GPAT3: variants seen among roughly 807,000 people sequenced by gnomAD.
The protein encoded by GPAT3 is 1-AGP acyltransferase 9.
A neutral mutation model predicts 58.8 loss-of-function variants in GPAT3; 53 were observed. The observed-to-expected ratio is 0.90, with a 90% CI of 0.72 to 1.13. GPAT3 has a LOEUF of 1.13. Ranked by LOEUF, GPAT3 falls within the 50% of genes most tolerant of loss-of-function variation. The pLI is 0.00. For missense variants in GPAT3, 511 were observed against 527.6 expected (o/e 0.97, Z 0.31); for synonymous variants, 197 against 187.4 (o/e 1.05, Z -0.42).
chr4:83,604,524 C>T (rs1332145226), intron 11 of GPAT3, 144 bp from the exon 12 acceptor site: 3 of 556,286 alleles, frequency 5.4e-6, no homozygotes, highest in South Asian at 3.0e-5. Flanking sequence ...CCTGGGTCTT[C>T]CTGTTTCCAA....
At chr4:83,562,214 T>TATATTATATATA (rs1553944917) in intron 2 of GPAT3, among the ~76,000 whole-genome samples, 1,610 of 77,046 alleles carry the variant, frequency 0.021, 73 homozygotes, top group African/African-American at 0.093. Context: ...ATATATATTA[T>TATATTATATATA]ATATATATAT....
intron 8 of GPAT3, among the ~76,000 whole-genome samples, chr4:83,597,209 C>T (rs1347124905): frequency 6.6e-6 from 1 of 152,050 alleles, no homozygotes; most frequent in Admixed American, 6.6e-5. Flanking sequence ...TCCCATAGGC[C>T]CATAGAGTGT....
At chr4:83,585,367 A>G (rs1726339524) in intron 3 of GPAT3, among the ~76,000 whole-genome samples, 1 of 150,086 alleles carries the variant, frequency 6.7e-6, no homozygotes. Flanking sequence ...AATAATATAT[A>G]TTAATGTATT....
At chr4:83,581,403 A>G (rs1282920804) in intron 2 of GPAT3, among the ~76,000 whole-genome samples, 159 bp from the exon 3 acceptor site, 2 of 152,034 alleles carry the variant, frequency 1.3e-5, no homozygotes, top group Non-Finnish European at 2.9e-5. Flanking sequence ...CTCTTTTCCC[A>G]CTGCAATTGT....
At chr4:83,555,529 G>C (rs1332037040) in intron 2 of GPAT3, among the ~76,000 whole-genome samples, 1 of 152,210 alleles carries the variant, frequency 6.6e-6, no homozygotes, top group East Asian at 1.9e-4. Context: ...GGGAACAGAG[G>C]CTTCTGTGCT....
intron 2 of GPAT3, among the ~76,000 whole-genome samples, chr4:83,551,813 A>AAAAATCTATCTATCTATCT (rs768726930): frequency 2.9e-4 from 30 of 102,396 alleles, no homozygotes; most frequent in South Asian, 9.2e-4. Flanking sequence ...AAAAAAAAAA[A>AAAAATCTATCTATCTATCT]ATCTATCTAT....
intron 11 of GPAT3, among the ~76,000 whole-genome samples, chr4:83,602,439 A>G (rs1727089641): frequency 6.6e-6 from 1 of 152,152 alleles, no homozygotes; most frequent in African/African-American, 2.4e-5. Context: ...TTCTAGATTT[A>G]TTTGTCATGT....
In GPAT3 at chr4:83,605,296, T is replaced by C. The variant is rs1025446734; in HGVS notation, c.*529T>C. On this transcript the variant is annotated 3_prime_UTR_variant, in exon 12 of 12. Transcript: ENST00000264409. ...ACCTGCTCTGAAAGTCAAAAGGAAATGTAAATTAGTGTCATTAGTGTGTTG... is the reference window on the plus strand; with the variant it reads ...ACCTGCTCTGAAAGTCAAAAGGAAACGTAAATTAGTGTCATTAGTGTGTTG... The C allele has an allele frequency of 6.6e-6, 1 of 152,286 alleles. No individual in the cohort carries two copies. The highest frequency in any genetic ancestry group is 6.5e-5 in the Admixed American group (1 of 15,278). The allele number at this position is 152,286 out of a possible 1,614,324, so 9.4% of individuals were successfully genotyped here.
intron 3 of GPAT3, among the ~76,000 whole-genome samples, chr4:83,582,161 C>T (rs537729383): frequency 6.6e-6 from 1 of 152,216 alleles, no homozygotes; most frequent in African/African-American, 2.4e-5. Context: ...GAGAGATCAT[C>T]AACAGTTTCA....
intron 2 of GPAT3, among the ~76,000 whole-genome samples, chr4:83,555,214 G>A (rs968875278): frequency 4.6e-5 from 7 of 152,160 alleles, no homozygotes; most frequent in African/African-American, 1.4e-4. Context: ...TGGCATCTCT[G>A]CAGTGATAAG....
In GPAT3 at chr4:83,581,588, A is replaced by T. The variant is rs1726129419; in HGVS notation, c.235A>T (p.Met79Leu). 2 of 1,614,094 alleles carry T rather than the reference A, an allele frequency of 1.2e-6. No homozygotes were observed. Among genetic ancestry groups the T allele is most frequent in the Non-Finnish European group, 1.7e-6 (2 of 1,179,990 alleles). ...TATTATCCAAAGAGATGAGTCACCC[A>T]TGGAAAAAGGGCTCTCTGGTCTACG... is the stretch of plus-strand genomic sequence containing the variant. ...VGIIQRDESP[M>L]EKGLSGLRGR... Residue 79 changes from methionine to leucine, a missense_variant, in exon 3 of 12, where the codon ATG becomes TTG. Coordinates refer to ENST00000264409, the MANE Select transcript of GPAT3 (RefSeq NM_032717.5).
In GPAT3 at chr4:83,537,621, G is replaced by GTA. The variant is rs201713333; in HGVS notation, c.141+859_141+860insAT. ...TGTGTGTGTGTGTGTGTGTGTGTGT[G>GTA]TGTGTATATTTAACATAAGAGACAG... On this transcript the variant is annotated intron_variant, in intron 1 of 11. Transcript: ENST00000264409. Among the ~76,000 whole-genome samples, 801 of 141,200 alleles carry GTA rather than the reference G, an allele frequency of 5.7e-3. 10 individuals are homozygous for GTA. Among genetic ancestry groups the GTA allele is most frequent in the East Asian group, 0.029 (145 of 4,978 alleles). 92.6% of individuals were successfully genotyped at this position (141,200 alleles called of 152,430 possible). A position where few individuals can be genotyped will look rare whatever the true frequency, so the allele number is the denominator to read the frequency against.
At chr4:83,562,655 A>G (rs1725219868) in intron 2 of GPAT3, among the ~76,000 whole-genome samples, 1 of 152,166 alleles carries the variant, frequency 6.6e-6, no homozygotes, top group Non-Finnish European at 1.5e-5. Flanking sequence ...TAATGAACTC[A>G]CAGAAAATGA....
intron 2 of GPAT3, among the ~76,000 whole-genome samples, chr4:83,573,224 CCT>C (rs1432890312): frequency 6.6e-6 from 1 of 152,160 alleles, no homozygotes; most frequent in Non-Finnish European, 1.5e-5. Flanking sequence ...ACTGCAACCT[CCT>C]CTTCCTGTGT....
rs561662333 is a variant in GPAT3 at position 83,536,832 on chromosome 4, A to G, written c.141+69A>G. On this transcript the variant is annotated intron_variant, in intron 1 of 11. Coordinates refer to ENST00000264409, the MANE Select transcript of GPAT3 (RefSeq NM_032717.5). ...CTGAGAACCCGGGGGTCCAGTTCTC[A>G]AGGTCAGTGGTCGCGAGTCAGGGGT... 100 of 1,478,268 alleles carry G rather than the reference A, an allele frequency of 6.8e-5. No homozygotes were observed. In the East Asian group the frequency reaches 2.2e-3, roughly 32 times the overall value. The allele number at this position is 1,478,268 out of a possible 1,614,324, so 91.6% of individuals were successfully genotyped here. A position where few individuals can be genotyped will look rare whatever the true frequency, so the allele number is the denominator to read the frequency against.
rs940960578 is a variant in GPAT3, at chr4:83,568,166, A to G, written c.209-13396A>G. On this transcript the variant is annotated intron_variant, in intron 2 of 11. Coordinates refer to ENST00000264409, the MANE Select transcript of GPAT3 (RefSeq NM_032717.5). ...AAACTTTACCCTGTTTCACATTAAA[A>G]AAAAATTGATTGTAACTTGTATCTT... is the stretch of plus-strand genomic sequence containing the variant. Among the ~76,000 whole-genome samples the G allele has an allele frequency of 3.3e-5, 5 of 152,158 alleles. No homozygotes were observed. The East Asian group carries it at 9.6e-4, about 29-fold the overall frequency.
chr4:83,557,631 T>C (rs1442684693), intron 2 of GPAT3, among the ~76,000 whole-genome samples: 2 of 152,220 alleles, frequency 1.3e-5, no homozygotes, highest in East Asian at 1.9e-4. Context: ...AACCATGATA[T>C]GTCCTCAGAA....
chr4:83,571,577 A>G (rs1474149284), intron 2 of GPAT3, among the ~76,000 whole-genome samples: 1 of 151,682 alleles, frequency 6.6e-6, no homozygotes, highest in Non-Finnish European at 1.5e-5. Context: ...GACATTGCAG[A>G]AGTATAAATA....
intron 6 of GPAT3, among the ~76,000 whole-genome samples, chr4:83,594,483 T>C (rs1726736045): frequency 1.3e-5 from 2 of 152,236 alleles, no homozygotes; most frequent in Non-Finnish European, 1.5e-5. Context: ...AAGTTATCCA[T>C]AGACTTATGT....
Sources: allele counts gnomAD v4.1 joint callset (sites outside exome capture counted in the v4.1 genomes callset), GRCh38; gene constraint gnomAD v4.1.1; transcripts MANE v1.5; gene names NCBI Gene and HGNC (gene_info 2026-07-23, HGNC 2026-07-21).